The following EIF2B1 variants were observed in gnomAD, a reference collection of about 807,000 sequenced individuals.
The protein encoded by EIF2B1 is translation initiation factor eIF2B subunit alpha.
A neutral mutation model predicts 36.8 loss-of-function variants in EIF2B1; 30 were observed. The observed-to-expected ratio is 0.81, with a 90% CI of 0.61 to 1.10. EIF2B1 has a LOEUF of 1.10. EIF2B1 is among the 50% of genes least tolerant of loss of function. The probability of loss-of-function intolerance (pLI) is 0.00; values close to 1 mark genes in which losing one functional copy is unlikely to be tolerated. For synonymous variants in EIF2B1, 139 were observed against 142.2 expected (o/e 0.98, Z 0.16); for missense variants, 271 against 374.8 (o/e 0.72, Z 2.29).
intron 6 of EIF2B1, among the ~76,000 whole-genome samples, chr12:123,625,216 G>A (rs1955139412): frequency 6.6e-6 from 1 of 151,930 alleles, no homozygotes; most frequent in South Asian, 2.1e-4. Flanking sequence ...AAAATCTGAT[G>A]AGATCTGAAG....
chr12:123,630,225 A>G lies in EIF2B1; in HGVS notation c.313T>C (p.Ser105Pro), dbSNP rs1274621854. 5 of 1,614,116 alleles carry G rather than the reference A, an allele frequency of 3.1e-6. No individual in the cohort carries two copies. The highest frequency in any genetic ancestry group is 4.2e-6 in the Non-Finnish European group (5 of 1,180,046). The change falls in exon 4 of 9, where the codon TCA becomes CCA. Residue 105 changes from serine to proline, a missense_variant. Transcript: ENST00000424014. The surrounding 1 kb of genome is among the most constrained non-coding windows in gnomAD (Gnocchi z 4.6). ...ERGELFLRRI[S>P]LSRNKIADLC... Reference sequence around the variant, plus strand: ...TCTGCAATTTTGTTTCTTGACAGTGATATTCTCCTGAGAAAAAGTTCTCCC... The same window carrying G: ...TCTGCAATTTTGTTTCTTGACAGTGGTATTCTCCTGAGAAAAAGTTCTCCC...
At position 123,621,769 on chromosome 12, in the gene EIF2B1, TTGA is replaced by T; in HGVS notation, c.902_904del (p.Ile301del). The T allele has an allele frequency of 6.2e-7, 1 of 1,613,738 alleles. No homozygotes were observed. The highest frequency in any genetic ancestry group is 8.5e-7 in the Non-Finnish European group (1 of 1,180,026). On this transcript the variant is annotated inframe_deletion, in exon 9 of 9. Coordinates refer to ENST00000424014, the MANE Select transcript of EIF2B1 (RefSeq NM_001414.4). ...AGGGCTCACAGGTTACAGATAGAGC[TTGA>T]TGAGCTCATCGCTGACTGCTGAGGG...
At chr12:123,628,031 AAT>A (rs1207972665) in intron 4 of EIF2B1, among the ~76,000 whole-genome samples, 9 of 152,190 alleles carry the variant, frequency 5.9e-5, no homozygotes, top group Non-Finnish European at 1.2e-4. Context: ...GCGTGGATGC[AAT>A]GTGTAGACAC....
intron 4 of EIF2B1, among the ~76,000 whole-genome samples, chr12:123,628,015 T>C (rs73416204): frequency 0.037 from 5,630 of 152,300 alleles, 268 homozygotes; most frequent in African/African-American, 0.11. Context: ...TCACAACCTA[T>C]CTGTGGCGTG....
In EIF2B1 at chr12:123,620,421, C is replaced by T. The variant is rs754893205; in HGVS notation, c.*1335G>A. On this transcript the variant is annotated 3_prime_UTR_variant, in exon 9 of 9. Coordinates refer to ENST00000424014, the MANE Select transcript of EIF2B1 (RefSeq NM_001414.4). ...ATCACTTGAGCCCAGGAGTTCAAGA[C>T]CAGCCTGGGAACACAGCGAGACCCT... The T allele has an allele frequency of 5.1e-5, 12 of 236,024 alleles. No individual in the cohort carries two copies. The highest frequency in any genetic ancestry group is 8.2e-5 in the Non-Finnish European group (10 of 121,426). 14.6% of individuals were successfully genotyped at this position (236,024 alleles called of 1,614,324 possible). A position where few individuals can be genotyped will look rare whatever the true frequency, so the allele number is the denominator to read the frequency against.
chr12:123,628,533 T>C (rs916904935), intron 4 of EIF2B1, among the ~76,000 whole-genome samples: 5 of 151,776 alleles, frequency 3.3e-5, no homozygotes, highest in Non-Finnish European at 7.4e-5. Context: ...TGGCTAACTT[T>C]TTGTATTTTT....
intron 2 of EIF2B1, among the ~76,000 whole-genome samples, chr12:123,631,757 A>G (rs942254970): frequency 6.6e-6 from 1 of 152,012 alleles, no homozygotes; most frequent in Non-Finnish European, 1.5e-5. Flanking sequence ...CAGTGAGCCA[A>G]GATGGCACCA....
intron 8 of EIF2B1, 21 bp downstream of exon 8, chr12:123,622,615 T>C (rs1237825876): frequency 1.2e-6 from 2 of 1,613,796 alleles, no homozygotes; most frequent in Admixed American, 3.3e-5. Flanking sequence ...TAGTACCCCT[T>C]CAAATATGTA....
chr12:123,632,281 A>AG (rs1955197882), intron 2 of EIF2B1, 64 bp downstream of exon 2: 7 of 1,130,118 alleles, frequency 6.2e-6, no homozygotes, highest in South Asian at 5.3e-5. Flanking sequence ...AAAAAAAAAA[A>AG]AAAAGAAAAG....
In EIF2B1 at chr12:123,629,518, G is replaced by A. The variant is rs149027506; in HGVS notation, c.369+651C>T. On this transcript the variant is annotated intron_variant, in intron 4 of 8. Transcript: ENST00000424014. ...GTATTAAATCAAGAATCAGGGCCAG[G>A]TGCGGTGGCTCACGCCTGTAATCCC... is the stretch of plus-strand genomic sequence containing the variant. 4.8e-4 allele frequency among the ~76,000 whole-genome samples: 73 copies of A among 152,336 alleles called. 1 individual carries two copies. The highest frequency in any genetic ancestry group is 3.4e-3 in the Middle Eastern group (1 of 294).
intron 4 of EIF2B1, among the ~76,000 whole-genome samples, chr12:123,629,748 G>A (rs1157461993): frequency 2.6e-5 from 4 of 152,106 alleles, no homozygotes; most frequent in South Asian, 2.1e-4. Context: ...AGCTGAGATC[G>A]CGCCACTGCA....
In EIF2B1 at chr12:123,633,613, C is replaced by T. The variant is rs762970289; in HGVS notation, c.-56G>A. 3 of 1,599,640 alleles carry T rather than the reference C, an allele frequency of 1.9e-6. No homozygotes were observed. Among genetic ancestry groups the T allele is most frequent in the Non-Finnish European group, 2.5e-6 (3 of 1,178,694 alleles). On this transcript the variant is annotated 5_prime_UTR_variant, in exon 1 of 9. Transcript: ENST00000424014. ...CCCGAGCCGCCCGCGCTGTCTCGAA[C>T]GGGTCCGCCGGCCGCGCCGCCTGCG...
intron 4 of EIF2B1, among the ~76,000 whole-genome samples, chr12:123,629,612 T>C (rs995130043): frequency 6.6e-6 from 1 of 152,018 alleles, no homozygotes; most frequent in African/African-American, 2.4e-5. Flanking sequence ...GCTAACACAG[T>C]GAAACCCCGT....
intron 1 of EIF2B1, 146 bp from the exon 2 acceptor site, chr12:123,632,592 T>A: frequency 1.5e-6 from 1 of 679,562 alleles, no homozygotes; most frequent in East Asian, 2.7e-5. Flanking sequence ...ATGCAATAAA[T>A]GTTGATGGGA....
Position 123,630,087 on chromosome 12 carries a change from G to A in EIF2B1, c.369+82C>T, listed in dbSNP as rs1338977440. 2 of 1,197,090 alleles carry A rather than the reference G, an allele frequency of 1.7e-6. No individual in the cohort carries two copies. The highest frequency in any genetic ancestry group is 2.5e-6 in the Non-Finnish European group (2 of 806,200). The allele number at this position is 1,197,090 out of a possible 1,614,324, so 74.2% of individuals were successfully genotyped here. A position where few individuals can be genotyped will look rare whatever the true frequency, so the allele number is the denominator to read the frequency against. On this transcript the variant is annotated intron_variant, in intron 4 of 8. Transcript: ENST00000424014. The surrounding 1 kb of genome is among the most constrained non-coding windows in gnomAD (Gnocchi z 4.6). ...TTGTTCAAGTCTCCACAGCAAGTGAGTGGCAGAGCCCGGATTTTACCCCAG... is the reference window on the plus strand; with the variant it reads ...TTGTTCAAGTCTCCACAGCAAGTGAATGGCAGAGCCCGGATTTTACCCCAG...
At chr12:123,632,269 TTAA>T in intron 2 of EIF2B1, 73 bp downstream of exon 2, 1 of 968,328 alleles carries the variant, frequency 1.0e-6, no homozygotes. Context: ...CTCCGTCTCT[TTAA>T]AAAAAAAAAA....
At position 123,630,632 on chromosome 12, in the gene EIF2B1, A is replaced by G. The variant is rs1955180714; in HGVS notation, c.116-99T>C. On this transcript the variant is annotated intron_variant, in intron 2 of 8. Coordinates refer to ENST00000424014, the MANE Select transcript of EIF2B1 (RefSeq NM_001414.4). This position sits in a 1 kb window ranked among gnomAD's most constrained non-coding sequence, Gnocchi z 4.6. ...TTCATTCAGTGAATATTTACTAGGTACATACTATATACCAGGCACTATTCT... is the reference window on the plus strand; with the variant it reads ...TTCATTCAGTGAATATTTACTAGGTGCATACTATATACCAGGCACTATTCT... 6.6e-7 allele frequency: 1 copy of G among 1,513,218 alleles called. No individual in the cohort carries two copies. The highest frequency in any genetic ancestry group is 9.0e-7 in the Non-Finnish European group (1 of 1,105,926). The allele number at this position is 1,513,218 out of a possible 1,614,324, so 93.7% of individuals were successfully genotyped here. A position where few individuals can be genotyped will look rare whatever the true frequency, so the allele number is the denominator to read the frequency against.
intron 7 of EIF2B1, among the ~76,000 whole-genome samples, chr12:123,624,256 C>CTTT (rs11289720): frequency 3.1e-4 from 40 of 129,092 alleles, no homozygotes; most frequent in African/African-American, 1.1e-3. Context: ...ATAAATTACA[C>CTTT]TTTTTTTTTT....
At chr12:123,623,145 C>A (rs1163904644) in intron 7 of EIF2B1, among the ~76,000 whole-genome samples, 1 of 152,050 alleles carries the variant, frequency 6.6e-6, no homozygotes, top group Non-Finnish European at 1.5e-5. Flanking sequence ...CTTTGGGAGG[C>A]CGAGGTGGGT....
Sources: allele counts gnomAD v4.1 joint callset (sites outside exome capture counted in the v4.1 genomes callset), GRCh38; gene constraint gnomAD v4.1.1; non-coding constraint Gnocchi (gnomAD v3.1); transcripts MANE v1.5; gene names NCBI Gene and HGNC (gene_info 2026-07-23, HGNC 2026-07-21).